Variants in SUSD1 observed in about 807,000 individuals in gnomAD.
SUSD1 encodes sushi domain containing 1.
A neutral mutation model predicts 86.9 loss-of-function variants in SUSD1; 65 were observed. The ratio of observed to expected loss-of-function variants is 0.75; its 90% CI spans 0.61 to 0.92. The LOEUF is 0.92. SUSD1 is among the 40% of genes least tolerant of loss of function. The pLI, the probability that SUSD1 is intolerant of heterozygous loss-of-function variation, is 0.00. For missense variants in SUSD1, 850 were observed against 929.7 expected, an observed-to-expected ratio of 0.91 and a Z score of 1.11; for synonymous variants, 346 against 350.0, an observed-to-expected ratio of 0.99 and a Z score of 0.13.
In SUSD1 at chr9:112,101,810, C is replaced by T. The variant is rs545752123; in HGVS notation, c.1281+366G>A. 5.3e-5 allele frequency among the ~76,000 whole-genome samples: 8 copies of T among 152,308 alleles called. No homozygotes were observed. The South Asian group carries it at 1.7e-3, about 32-fold the overall frequency. Reference sequence around the variant, plus strand: ...GCAGTGAGCCGAGATCATGCCACTGCACTCCAGCCTGGGCAACAAGAGCGA... The same window carrying T: ...GCAGTGAGCCGAGATCATGCCACTGTACTCCAGCCTGGGCAACAAGAGCGA... On this transcript the variant is annotated intron_variant, in intron 9 of 16. Coordinates refer to ENST00000374270, the MANE Select transcript of SUSD1 (RefSeq NM_022486.5).
Position 112,093,204 on chromosome 9 carries a change from G to A in SUSD1, c.1474+5266C>T, listed in dbSNP as rs1405451189. 2.0e-5 allele frequency among the ~76,000 whole-genome samples: 3 copies of A among 152,216 alleles called. No individual in the cohort carries two copies. The East Asian group carries it at 5.8e-4, about 29-fold the overall frequency. ...TTTGGCTTCTCCCTATTCCCTATATGTTAATCCTCAAGGAAGGAACAGTAA... is the reference window on the plus strand; with the variant it reads ...TTTGGCTTCTCCCTATTCCCTATATATTAATCCTCAAGGAAGGAACAGTAA... On this transcript the variant is annotated intron_variant, in intron 10 of 16. Transcript: ENST00000374270.
intron 8 of SUSD1, among the ~76,000 whole-genome samples, chr9:112,106,494 C>T (rs1321281629): frequency 6.6e-6 from 1 of 151,986 alleles, no homozygotes; most frequent in East Asian, 1.9e-4. Context: ...GAGGAGCAGG[C>T]AAATCACCAC....
chr9:112,169,624 G>A (rs764858083), intron 1 of SUSD1, among the ~76,000 whole-genome samples: 4 of 151,316 alleles, frequency 2.6e-5, no homozygotes, highest in African/African-American at 4.9e-5. Flanking sequence ...AACCCCTACC[G>A]GTTCTTTTCA....
chr9:112,171,808 T>G (rs1028261399), intron 1 of SUSD1, among the ~76,000 whole-genome samples: 8 of 152,224 alleles, frequency 5.3e-5, no homozygotes, highest in Admixed American at 2.6e-4. Context: ...CTAAAATATG[T>G]TTGAGTCTGT....
At chr9:112,080,945 T>C (rs1412946512) in intron 10 of SUSD1, among the ~76,000 whole-genome samples, 1 of 152,178 alleles carries the variant, frequency 6.6e-6, no homozygotes, top group African/African-American at 2.4e-5. Flanking sequence ...GTGGCGGGAT[T>C]CTCTTGGTTT....
At chr9:112,139,014 G>T (rs1192973918) in intron 5 of SUSD1, among the ~76,000 whole-genome samples, 1 of 152,114 alleles carries the variant, frequency 6.6e-6, no homozygotes, top group Non-Finnish European at 1.5e-5. Flanking sequence ...TACCAAAATT[G>T]ATCTTAAGAG....
Position 112,143,599 on chromosome 9 carries a change from C to T in SUSD1, c.398G>A (p.Gly133Asp). 1 of 1,613,380 alleles carries T rather than the reference C, an allele frequency of 6.2e-7. No homozygotes were observed. The part of the protein sequence containing the change: ...CTDIDECEVS[G>D]LCRHGGRCVN... ...GCATCGCCCTCCATGCCTGCACAGGCCAGAAACTTCACACTCATCTATGTC... is the reference window on the plus strand; with the variant it reads ...GCATCGCCCTCCATGCCTGCACAGGTCAGAAACTTCACACTCATCTATGTC... Residue 133 changes from glycine (G) to aspartate (D), a missense_variant, in exon 4 of 17, where the codon GGC becomes GAC. Gly to Asp is a moderately conservative substitution (Grantham distance 94). Coordinates refer to ENST00000374270, the MANE Select transcript of SUSD1 (RefSeq NM_022486.5).
intron 6 of SUSD1, among the ~76,000 whole-genome samples, chr9:112,116,151 G>A (rs916672144): frequency 6.6e-6 from 1 of 152,132 alleles, no homozygotes; most frequent in Non-Finnish European, 1.5e-5. Context: ...CTTTGTCATC[G>A]AAGCAGAGAT....
chr9:112,083,451 C>T (rs767179374), intron 10 of SUSD1, among the ~76,000 whole-genome samples: 1 of 152,186 alleles, frequency 6.6e-6, no homozygotes, highest in Non-Finnish European at 1.5e-5. Context: ...TGGTCTCGAA[C>T]TCCTGACCTC....
chr9:112,150,741 G>A (rs1833010472), intron 2 of SUSD1, among the ~76,000 whole-genome samples: 1 of 152,180 alleles, frequency 6.6e-6, no homozygotes, highest in Admixed American at 6.5e-5. Flanking sequence ...GTAACACAGT[G>A]GGAAGTATTA....
At chr9:112,043,744 A>G (rs943474402) in intron 15 of SUSD1, among the ~76,000 whole-genome samples, 1 of 152,166 alleles carries the variant, frequency 6.6e-6, no homozygotes, top group Admixed American at 6.5e-5. Flanking sequence ...TCTATAGAAG[A>G]AAAATGGCCT....
chr9:112,071,287 C>T (rs2762497), intron 12 of SUSD1, among the ~76,000 whole-genome samples: 7,088 of 152,084 alleles, frequency 0.047, 212 homozygotes, highest in Middle Eastern at 0.082. Flanking sequence ...CATAGTAAGA[C>T]CTCATCTTTA....
At chr9:112,116,950 G>A (rs1831350873) in intron 6 of SUSD1, among the ~76,000 whole-genome samples, 1 of 152,116 alleles carries the variant, frequency 6.6e-6, no homozygotes, top group African/African-American at 2.4e-5. Context: ...GACCAGCCTG[G>A]CCAACATGGC....
At chr9:112,144,831 G>A (rs1391505697) in intron 3 of SUSD1, among the ~76,000 whole-genome samples, 2 of 152,098 alleles carry the variant, frequency 1.3e-5, no homozygotes, top group Non-Finnish European at 2.9e-5. Context: ...GCACCTGACT[G>A]AAGACTATCA....
At chr9:112,096,047 A>T (rs1239792554) in intron 10 of SUSD1, among the ~76,000 whole-genome samples, 2 of 152,188 alleles carry the variant, frequency 1.3e-5, no homozygotes, top group East Asian at 3.8e-4. Flanking sequence ...TGACGAGAAG[A>T]CATTTCCCAA....
chr9:112,055,986 C>T (rs183773856), intron 14 of SUSD1, among the ~76,000 whole-genome samples: 11 of 152,162 alleles, frequency 7.2e-5, no homozygotes, highest in South Asian at 2.1e-4. Context: ...TAGGGCTGGG[C>T]GTGATGGCTC....
intron 12 of SUSD1, among the ~76,000 whole-genome samples, chr9:112,064,629 A>G (rs753992949): frequency 6.6e-6 from 1 of 151,444 alleles, no homozygotes; most frequent in Non-Finnish European, 1.5e-5. Flanking sequence ...TAATCCCAGC[A>G]CTTTGGAAGG....
intron 15 of SUSD1, among the ~76,000 whole-genome samples, chr9:112,044,745 G>A (rs532400521): frequency 6.6e-6 from 1 of 152,262 alleles, no homozygotes; most frequent in East Asian, 1.9e-4. Context: ...ATTAAAGGGG[G>A]TAAGAAATTT....
At chr9:112,105,724 G>A (rs1194521404) in intron 8 of SUSD1, among the ~76,000 whole-genome samples, 1 of 151,870 alleles carries the variant, frequency 6.6e-6, no homozygotes, top group Non-Finnish European at 1.5e-5. Flanking sequence ...GTCGCAAAAC[G>A]ACAACAACAA....
Sources: gnomAD v4.1 joint callset for allele counts (sites outside exome capture counted in the v4.1 genomes callset) on GRCh38, gnomAD v4.1.1 for gene constraint, MANE v1.5 for transcripts, NCBI Gene and HGNC (gene_info 2026-07-23, HGNC 2026-07-21) for gene names.